The following CALCRL variants were observed in gnomAD, a reference collection of about 807,000 sequenced individuals.
CALCRL encodes calcitonin gene-related peptide type 1 receptor.
CALCRL carries 27 observed loss-of-function variants against 60.4 expected under a neutral mutation model. The ratio of observed to expected loss-of-function variants is 0.45; its 90% CI spans 0.33 to 0.62. The LOEUF is 0.62. Ranked by LOEUF, CALCRL falls within the 20% of genes least tolerant of loss-of-function variation. The pLI is 0.03. For synonymous variants in CALCRL, 190 were observed against 182.6 expected (o/e 1.04, Z -0.33); for missense variants, 424 against 540.7 (o/e 0.78, Z 2.14).
intron 1 of CALCRL, among the ~76,000 whole-genome samples, chr2:187,424,885 G>A (rs1275778128): frequency 6.6e-6 from 1 of 151,836 alleles, no homozygotes; most frequent in African/African-American, 2.4e-5. Context: ...AGGAAGGCCT[G>A]GGAGACAAAA....
At chr2:187,375,278 C>CA (rs35276351) in intron 8 of CALCRL, among the ~76,000 whole-genome samples, 10,066 of 115,294 alleles carry the variant, frequency 0.087, 842 homozygotes, top group East Asian at 0.18. Flanking sequence ...GACTCCGTCT[C>CA]AAAAAAAAAA....
intron 8 of CALCRL, among the ~76,000 whole-genome samples, chr2:187,374,706 C>T (rs1162809103): frequency 1.3e-5 from 2 of 152,012 alleles, no homozygotes; most frequent in African/African-American, 4.8e-5. Flanking sequence ...CAGATGACTA[C>T]ATAAATGTAT....
intron 12 of CALCRL, among the ~76,000 whole-genome samples, chr2:187,353,613 C>T (rs1265144279): frequency 1.3e-5 from 2 of 151,864 alleles, no homozygotes; most frequent in Non-Finnish European, 2.9e-5. Flanking sequence ...GCAATGTTTG[C>T]AGACACAGAA....
intron 1 of CALCRL, among the ~76,000 whole-genome samples, chr2:187,406,657 C>T (rs988310159): frequency 6.6e-6 from 1 of 151,694 alleles, no homozygotes; most frequent in Non-Finnish European, 1.5e-5. Flanking sequence ...GTGGTTGGTA[C>T]TCAAAATAAA....
chr2:187,347,550 C>G (rs997944750), intron 14 of CALCRL, among the ~76,000 whole-genome samples: 1 of 151,784 alleles, frequency 6.6e-6, no homozygotes, highest in African/African-American at 2.4e-5. Context: ...TTCACTATAT[C>G]CATGTATACA....
chr2:187,388,149 T>C (rs1446370292), intron 1 of CALCRL, among the ~76,000 whole-genome samples: 1 of 152,022 alleles, frequency 6.6e-6, no homozygotes, highest in Non-Finnish European at 1.5e-5. Flanking sequence ...AATATTTCTT[T>C]ATTTATTGTA....
intron 1 of CALCRL, among the ~76,000 whole-genome samples, chr2:187,441,214 A>G (rs1690893786): frequency 6.6e-6 from 1 of 152,212 alleles, no homozygotes; most frequent in African/African-American, 2.4e-5. Flanking sequence ...GTTGTTGTTT[A>G]TTTCAGGTTT....
At position 187,380,553 on chromosome 2, in the gene CALCRL, C is replaced by G. The variant is rs1408139222; in HGVS notation, c.322G>C (p.Asp108His). 2 of 1,612,850 alleles carry G rather than the reference C, an allele frequency of 1.2e-6. No individual in the cohort carries two copies. Among genetic ancestry groups the G allele is most frequent in the Admixed American group, 1.7e-5 (1 of 59,966 alleles). The change falls in exon 7 of 15, where the codon GAT (aspartate) becomes CAT (histidine). Residue 108 changes from aspartate to histidine, a missense_variant. Transcript: ENST00000392370. Reference protein sequence around the residue: ...SEKVTKICDQDGNWFRHPASN... With the variant: ...SEKVTKICDQHGNWFRHPASN... ...GCTGGATGTCTAAACCAGTTTCCAT[C>G]TTGGTCACAGATCTTTGTAACTTTT...
intron 1 of CALCRL, among the ~76,000 whole-genome samples, chr2:187,404,454 A>AG: frequency 6.6e-6 from 1 of 151,996 alleles, no homozygotes; most frequent in South Asian, 2.1e-4. Flanking sequence ...TCATCTAAAA[A>AG]ATTAATGATA....
rs145482757 is a variant in CALCRL at position 187,432,929 on chromosome 2, CT to C, written c.-293+15109del. The stretch of plus-strand genomic sequence containing the variant: ...TAGTACAGTGATACAGATTCGCATT[CT>C]AGGAGCAATAAGCTTCACCATACAG... On this transcript the variant is annotated intron_variant, in intron 1 of 14. Coordinates refer to ENST00000392370, the MANE Select transcript of CALCRL (RefSeq NM_005795.6). Among the ~76,000 whole-genome samples, 501 of 152,114 alleles carry C rather than the reference CT, an allele frequency of 3.3e-3. 1 individual carries two copies. The highest frequency in any genetic ancestry group is 0.01 in the Middle Eastern group (3 of 294).
At chr2:187,378,442 A>G (rs897588978) in intron 8 of CALCRL, among the ~76,000 whole-genome samples, 1 of 152,200 alleles carries the variant, frequency 6.6e-6, no homozygotes, top group African/African-American at 2.4e-5. Flanking sequence ...TACAAGTAAA[A>G]TTGAAAGTAC....
chr2:187,403,997 G>C (rs777365169), intron 1 of CALCRL, among the ~76,000 whole-genome samples: 11 of 151,998 alleles, frequency 7.2e-5, no homozygotes, highest in South Asian at 2.1e-4. Context: ...CCATTTCAGT[G>C]AGCCTAACCT....
rs888064037 is a variant in CALCRL, at chr2:187,435,137, G to T, written c.-293+12902C>A. Among the ~76,000 whole-genome samples, 3 of 152,164 alleles carry T rather than the reference G, an allele frequency of 2.0e-5. No individual in the cohort carries two copies. The East Asian group carries it at 5.8e-4, about 29-fold the overall frequency. ...TTGCTATAAAGAAATACCTGAGGCT[G>T]GGTAATTTATAAAGAAAATAGGTTG... On this transcript the variant is annotated intron_variant, in intron 1 of 14. Coordinates refer to ENST00000392370, the MANE Select transcript of CALCRL (RefSeq NM_005795.6).
chr2:187,373,534 G>A (rs913084780), intron 8 of CALCRL, among the ~76,000 whole-genome samples: 1 of 152,064 alleles, frequency 6.6e-6, no homozygotes. Flanking sequence ...ACCAGAACTT[G>A]TATTATTTAA....
In CALCRL at chr2:187,349,315, C is replaced by T. The variant is rs141585399; in HGVS notation, c.1170+2605G>A. ...CTAGTGAGAAATGCTAATAGCAAGA[C>T]GTTAGCTAAAAAGTGCATAAAAGGT... On this transcript the variant is annotated intron_variant, in intron 14 of 14. Coordinates refer to ENST00000392370, the MANE Select transcript of CALCRL (RefSeq NM_005795.6). Among the ~76,000 whole-genome samples, 680 of 151,410 alleles carry T rather than the reference C, an allele frequency of 4.5e-3. 5 individuals carry two copies. Among genetic ancestry groups the T allele is most frequent in the African/African-American group, 0.016 (646 of 41,346 alleles).
intron 1 of CALCRL, among the ~76,000 whole-genome samples, chr2:187,388,241 A>C (rs557053694): frequency 6.6e-4 from 100 of 152,168 alleles, no homozygotes; most frequent in African/African-American, 2.3e-3. Context: ...TTCTCAGTGG[A>C]GCTTTAATTA....
At chr2:187,363,549 T>G (rs1158913956) in intron 8 of CALCRL, 47 bp from the exon 9 acceptor site, 1 of 1,496,004 alleles carries the variant, frequency 6.7e-7, no homozygotes, top group Non-Finnish European at 8.9e-7. Flanking sequence ...AAATGTTTTT[T>G]TATTAATCAT....
At chr2:187,406,971 AACCT>A (rs1302639926) in intron 1 of CALCRL, among the ~76,000 whole-genome samples, 4 of 152,056 alleles carry the variant, frequency 2.6e-5, no homozygotes, top group Non-Finnish European at 5.9e-5. Flanking sequence ...ATTCCCAAAA[AACCT>A]TATTTGAACT....
chr2:187,440,260 T>C (rs1045330853), intron 1 of CALCRL, among the ~76,000 whole-genome samples: 1 of 152,130 alleles, frequency 6.6e-6, no homozygotes, highest in Non-Finnish European at 1.5e-5. Context: ...CCCTTCCATG[T>C]TGATAACATC....
Sources: gnomAD v4.1 joint callset for allele counts (sites outside exome capture counted in the v4.1 genomes callset) on GRCh38, gnomAD v4.1.1 for gene constraint, MANE v1.5 for transcripts, NCBI Gene and HGNC (gene_info 2026-07-23, HGNC 2026-07-21) for gene names.